The following RNF14 variants were observed in gnomAD, a reference collection of about 807,000 sequenced individuals.
RNF14 encodes ring finger protein 14, also known as E3 ubiquitin-protein ligase RNF14.
RNF14 carries 26 observed loss-of-function variants against 52.6 expected under a neutral mutation model. The ratio of observed to expected loss-of-function variants is 0.49; its 90% CI spans 0.36 to 0.69. The LOEUF (loss-of-function observed/expected upper bound fraction) is 0.69. Among genes scored for constraint, RNF14 ranks in the 30% least tolerant of loss-of-function variants. The probability of loss-of-function intolerance (pLI) is 0.00; values close to 1 mark genes in which losing one functional copy is unlikely to be tolerated. For synonymous variants in RNF14, 194 were observed against 202.0 expected (o/e 0.96, Z 0.34); for missense variants, 404 against 560.4 (o/e 0.72, Z 2.82).
At chr5:141,971,379 C>G (rs1312190723) in intron 2 of RNF14, among the ~76,000 whole-genome samples, 1 of 151,984 alleles carries the variant, frequency 6.6e-6, no homozygotes, top group Non-Finnish European at 1.5e-5. Flanking sequence ...GTAGCTGGGA[C>G]TACAGGCACA....
upstream of RNF14, chr5:141,957,455 G>C (rs754724853): frequency 1.7e-5 from 27 of 1,612,500 alleles, no homozygotes; most frequent in Non-Finnish European, 2.1e-5. This position sits in a 1 kb window ranked among gnomAD's most constrained non-coding sequence, Gnocchi z 4.3. Flanking sequence ...GGAAACCGTG[G>C]CTGGTGGTCA....
At chr5:141,973,828 G>A (rs759870974) in intron 3 of RNF14, 86 bp downstream of exon 3, 17 of 1,213,254 alleles carry the variant, frequency 1.4e-5, no homozygotes, top group Non-Finnish European at 1.6e-5. Flanking sequence ...TGTGTTTTAG[G>A]CATTAGTGAT....
intron 6 of RNF14, among the ~76,000 whole-genome samples, chr5:141,982,106 C>T (rs1250199791): frequency 6.6e-6 from 1 of 152,124 alleles, no homozygotes; most frequent in Non-Finnish European, 1.5e-5. Flanking sequence ...GTCAACAGTA[C>T]ATTTCAAGTG....
At chr5:141,979,607 A>C (rs1419572160) in intron 5 of RNF14, among the ~76,000 whole-genome samples, 1 of 152,128 alleles carries the variant, frequency 6.6e-6, no homozygotes, top group Non-Finnish European at 1.5e-5. Context: ...TACACATTTA[A>C]ATCATACAAG....
intron 1 of RNF14, among the ~76,000 whole-genome samples, chr5:141,961,265 T>C (rs752852314): frequency 3.0e-4 from 45 of 152,154 alleles, no homozygotes; most frequent in Non-Finnish European, 5.1e-4. Flanking sequence ...AAATGATGCA[T>C]AGGTCGCAAG....
chr5:141,954,827 C>T (rs956129735), upstream of RNF14: 12 of 1,117,674 alleles, frequency 1.1e-5, no homozygotes, highest in Non-Finnish European at 1.5e-5. Context: ...AAGCTGTGCC[C>T]TGAACCATTG....
chr5:141,970,571 G>C (rs893298305), intron 1 of RNF14, 133 bp from the exon 2 acceptor site: 1 of 152,210 alleles, frequency 6.6e-6, no homozygotes, highest in Admixed American at 6.5e-5. Context: ...CCTGCCCTAG[G>C]AGAGTAACAT....
chr5:141,975,012 T>C, intron 4 of RNF14, 57 bp downstream of exon 4: 1 of 1,544,394 alleles, frequency 6.5e-7, no homozygotes, highest in Non-Finnish European at 8.9e-7. Flanking sequence ...AAATCACCTT[T>C]AATTGAAGAC....
At chr5:141,984,749 G>C in intron 7 of RNF14, 54 bp from the exon 8 acceptor site, 1 of 1,580,194 alleles carries the variant, frequency 6.3e-7, no homozygotes, top group South Asian at 1.1e-5. Context: ...GGCATGTGCT[G>C]TCTCTTCTGC....
upstream of RNF14, among the ~76,000 whole-genome samples, chr5:141,953,671 A>C (rs575324676): frequency 6.6e-6 from 1 of 152,334 alleles, no homozygotes; most frequent in Non-Finnish European, 1.5e-5. Context: ...CAGCCAGCAC[A>C]GTGTTCAGCA....
At chr5:141,956,123 G>A, upstream of RNF14, 1 of 1,614,208 alleles carries the variant, frequency 6.2e-7, no homozygotes, top group Non-Finnish European at 8.5e-7. Flanking sequence ...AGCACGGAGA[G>A]GCTGGCTTTT....
intron 4 of RNF14, among the ~76,000 whole-genome samples, chr5:141,975,165 C>A (rs1301664196): frequency 6.6e-6 from 1 of 152,162 alleles, no homozygotes; most frequent in Non-Finnish European, 1.5e-5. Context: ...TTAAAACAAT[C>A]ATGAATTGTA....
At chr5:141,966,670 A>G (rs1280048200), upstream of RNF14, 1 of 152,224 alleles carries the variant, frequency 6.6e-6, no homozygotes, top group African/African-American at 2.4e-5. Context: ...TCTTTACCCA[A>G]TCTTGTCCTC....
At chr5:141,980,063 C>T in intron 5 of RNF14, 60 bp from the exon 6 acceptor site, 1 of 1,385,206 alleles carries the variant, frequency 7.2e-7, no homozygotes, top group Non-Finnish European at 1.0e-6. Flanking sequence ...TAAGAATCGC[C>T]TCAGGTTCAG....
chr5:141,987,110 G>A (rs1451686733), intron 8 of RNF14, among the ~76,000 whole-genome samples: 3 of 152,146 alleles, frequency 2.0e-5, no homozygotes, highest in Non-Finnish European at 2.9e-5. Context: ...TGATATCAGC[G>A]GTGGAGCAAG....
intron 5 of RNF14, 80 bp from the exon 6 acceptor site, chr5:141,980,043 A>G (rs1449242901): frequency 8.9e-7 from 1 of 1,120,462 alleles, no homozygotes; most frequent in Non-Finnish European, 1.4e-6. Context: ...TCTGGTTTAC[A>G]CTAGCATCCT....
At chr5:141,979,869 G>A (rs895397678) in intron 5 of RNF14, among the ~76,000 whole-genome samples, 9 of 152,318 alleles carry the variant, frequency 5.9e-5, no homozygotes, top group African/African-American at 2.2e-4. Context: ...CAGTCTGTAC[G>A]ACAGAGTAAG....
At chr5:141,955,889 G>A (rs770412651), upstream of RNF14, 2 of 1,614,190 alleles carry the variant, frequency 1.2e-6, no homozygotes, top group South Asian at 2.2e-5. The surrounding 1 kb of genome is among the most constrained non-coding windows in gnomAD (Gnocchi z 5.5). Flanking sequence ...ACGAACAGCT[G>A]CCCCGTATGA....
chr5:141,973,255 T>TG (rs397817246), intron 2 of RNF14, among the ~76,000 whole-genome samples: 2 of 151,324 alleles, frequency 1.3e-5, no homozygotes, highest in Non-Finnish European at 3.0e-5. Flanking sequence ...TTTTTTTTTT[T>TG]GAAACGGAGT....
Sources: allele counts gnomAD v4.1 joint callset (sites outside exome capture counted in the v4.1 genomes callset), GRCh38; gene constraint gnomAD v4.1.1; non-coding constraint Gnocchi (gnomAD v3.1); transcripts MANE v1.5; gene names NCBI Gene and HGNC (gene_info 2026-07-23, HGNC 2026-07-21).